The following SLC25A15 variants were observed in gnomAD, a reference collection of about 807,000 sequenced individuals.
SLC25A15 encodes solute carrier family 25 member 15.
In SLC25A15, 24 loss-of-function variants were observed where a neutral mutation model predicts 32.3. The observed-to-expected ratio is 0.74, with a 90% CI of 0.54 to 1.04. The LOEUF is 1.04. Ranked by LOEUF, SLC25A15 falls within the 50% of genes least tolerant of loss-of-function variation. SLC25A15 has a pLI of 0.00. For synonymous variants in SLC25A15, 132 were observed against 142.1 expected, an observed-to-expected ratio of 0.93 and a Z score of 0.51; for missense variants, 317 against 374.5, an observed-to-expected ratio of 0.85 and a Z score of 1.27.
rs1882372169 is a variant in SLC25A15 at position 40,809,817 on chromosome 13, A to G, written c.*150A>G. On this transcript the variant is annotated 3_prime_UTR_variant, in exon 7 of 7. Coordinates refer to ENST00000338625, the MANE Select transcript of SLC25A15 (RefSeq NM_014252.4). Reference sequence around the variant, plus strand: ...CCTTCTACCCTACATCTTAAACTTTATGGAAGAACCTCTATTTTGCATCAT... The same window carrying G: ...CCTTCTACCCTACATCTTAAACTTTGTGGAAGAACCTCTATTTTGCATCAT... 2 of 742,130 alleles carry G rather than the reference A, an allele frequency of 2.7e-6. No individual in the cohort carries two copies. The highest frequency in any genetic ancestry group is 4.6e-6 in the Non-Finnish European group (2 of 435,374). The allele number at this position is 742,130 out of a possible 1,614,324, so 46.0% of individuals were successfully genotyped here.
chr13:40,805,167 C>A lies in SLC25A15; in HGVS notation c.364C>A (p.Leu122Met), dbSNP rs1438281063. Residue 122 changes from leucine to methionine, a missense_variant, in exon 4 of 7, where the codon CTG (leucine) becomes ATG (methionine). Leu to Met is a conservative substitution (Grantham distance 15). Coordinates refer to ENST00000338625, the MANE Select transcript of SLC25A15 (RefSeq NM_014252.4). Reference sequence around the variant, plus strand: ...TTCCTTCGCCTCTGCCTTTGCTGCACTGGTGCTCTGCCCCACGGAGCTCGT... The same window carrying A: ...TTCCTTCGCCTCTGCCTTTGCTGCAATGGTGCTCTGCCCCACGGAGCTCGT... Reference protein sequence around the residue: ...AGSFASAFAALVLCPTELVKC... With the variant: ...AGSFASAFAAMVLCPTELVKC... 1 of 1,614,220 alleles carries A rather than the reference C, an allele frequency of 6.2e-7. No homozygotes were observed. Among genetic ancestry groups the A allele is most frequent in the Non-Finnish European group, 8.5e-7 (1 of 1,180,046 alleles).
intron 3 of SLC25A15, chr13:40,802,243 G>T (rs189326323): frequency 6.6e-6 from 1 of 152,230 alleles, no homozygotes; most frequent in Non-Finnish European, 1.5e-5. Context: ...GGAGTGAAGT[G>T]GGGGAAAGGA....
At chr13:40,790,921 A>G (rs1159148844) in intron 1 of SLC25A15, among the ~76,000 whole-genome samples, 2 of 152,100 alleles carry the variant, frequency 1.3e-5, no homozygotes, top group African/African-American at 2.4e-5. Context: ...AGTTTGGCTC[A>G]CCTAACAGGG....
In SLC25A15 at chr13:40,791,010, G is replaced by T. The variant is rs151170546; in HGVS notation, c.-70+1347G>T. ...TAAGAAGGAAGTGTCTGTGCCAAAA[G>T]AAATAAGCGCATTGAGGTTTATCTA... On this transcript the variant is annotated intron_variant, in intron 1 of 6. Transcript: ENST00000338625. Among the ~76,000 whole-genome samples the T allele has an allele frequency of 2.0e-3, 305 of 152,094 alleles. 1 individual carries two copies. The highest frequency in any genetic ancestry group is 7.1e-3 in the African/African-American group (295 of 41,458).
chr13:40,795,049 C>T (rs764369006), intron 2 of SLC25A15, among the ~76,000 whole-genome samples: 18 of 152,244 alleles, frequency 1.2e-4, no homozygotes, highest in East Asian at 3.9e-4. Flanking sequence ...GCCCAGGGAA[C>T]GGAAGGCCAG....
Position 40,799,057 on chromosome 13 carries a change from GAGGTAC to G in SLC25A15, c.59_64del (p.Gly20_Thr21del), listed in dbSNP as rs767135599. 1 of 1,614,188 alleles carries G rather than the reference GAGGTAC, an allele frequency of 6.2e-7. No individual in the cohort carries two copies. Among genetic ancestry groups the G allele is most frequent in the African/African-American group, 1.3e-5 (1 of 75,042 alleles). ...GAGCAGTCATCTGTCCTGATTGCAG[GAGGTAC>G]AGCATGTGTACTGACCGGGCAGCCC... is the stretch of plus-strand genomic sequence containing the variant. On this transcript the variant is annotated inframe_deletion and splice_region_variant, in exon 3 of 7. Transcript: ENST00000338625.
At position 40,810,147 on chromosome 13, in the gene SLC25A15, T is replaced by C. The variant is rs1415094674; in HGVS notation, c.*480T>C. On this transcript the variant is annotated 3_prime_UTR_variant, in exon 7 of 7. Transcript: ENST00000338625. ...AGGGTCTGCTTAATGTGTGTACTTT[T>C]CTAAGTGGTTGATTATTTTTTATTT... 1.1e-5 allele frequency: 2 copies of C among 186,972 alleles called. No homozygotes were observed. Among genetic ancestry groups the C allele is most frequent in the Admixed American group, 1.1e-4 (2 of 18,638 alleles). The allele number at this position is 186,972 out of a possible 1,614,324, so 11.6% of individuals were successfully genotyped here. A position where few individuals can be genotyped will look rare whatever the true frequency, so the allele number is the denominator to read the frequency against.
chr13:40,799,145 C>A lies in SLC25A15; in HGVS notation c.144C>A (p.Thr48=), dbSNP rs376634191. The change falls in exon 3 of 7, where the codon ACC becomes ACA. Residue 48 remains threonine, a synonymous_variant. Coordinates refer to ENST00000338625, the MANE Select transcript of SLC25A15 (RefSeq NM_014252.4). ...TCCCTGACCTGTACCGGGGCCTCAC[C>A]GACTGCTGCCTGAAGACTTACTCCC... ...QTFPDLYRGL[T]DCCLKTYSQV... 6.2e-7 allele frequency: 1 copy of A among 1,614,062 alleles called. No homozygotes were observed. Among genetic ancestry groups the A allele is most frequent in the Non-Finnish European group, 8.5e-7 (1 of 1,180,030 alleles).
chr13:40,805,291 T>A (rs772360054), intron 4 of SLC25A15, 36 bp downstream of exon 4: 1 of 1,613,100 alleles, frequency 6.2e-7, no homozygotes, highest in East Asian at 2.2e-5. Flanking sequence ...CAGGTCTCTA[T>A]TGCCCTAGTG....
Position 40,799,142 on chromosome 13 carries a change from C to T in SLC25A15, c.141C>T (p.Leu47=), listed in dbSNP as rs1372290632. 2 of 1,614,206 alleles carry T rather than the reference C, an allele frequency of 1.2e-6. No homozygotes were observed. Among genetic ancestry groups the T allele is most frequent in the African/African-American group, 1.3e-5 (1 of 75,038 alleles). Residue 47 remains leucine (L), a synonymous_variant, in exon 3 of 7, where the codon CTC becomes CTT. Coordinates refer to ENST00000338625, the MANE Select transcript of SLC25A15 (RefSeq NM_014252.4). ...MQTFPDLYRG[L]TDCCLKTYSQ... ...CGTTCCCTGACCTGTACCGGGGCCT[C>T]ACCGACTGCTGCCTGAAGACTTACT...
intron 3 of SLC25A15, among the ~76,000 whole-genome samples, chr13:40,804,201 T>A (rs550776957): frequency 2.6e-5 from 4 of 152,214 alleles, no homozygotes; most frequent in African/African-American, 7.2e-5. Context: ...GTGAGCGAGC[T>A]CTCTGGCCTC....
At chr13:40,808,316 T>G (rs1882280543) in intron 5 of SLC25A15, 122 bp from the exon 6 acceptor site, 2 of 869,212 alleles carry the variant, frequency 2.3e-6, no homozygotes, top group Non-Finnish European at 3.8e-6. Context: ...CAAAGAATTG[T>G]ATTCTGTAGC....
rs187857631 is a variant in SLC25A15 at position 40,804,421 on chromosome 13, C to T, written c.315-697C>T. On this transcript the variant is annotated intron_variant, in intron 3 of 6. Transcript: ENST00000338625. ...GCACTGCCACTTAGTAGCTGTGTGACTGGCCACATTATGTCATCTCTAAGT... is the reference window on the plus strand; with the variant it reads ...GCACTGCCACTTAGTAGCTGTGTGATTGGCCACATTATGTCATCTCTAAGT... 2.3e-4 allele frequency among the ~76,000 whole-genome samples: 35 copies of T among 152,304 alleles called. No homozygotes were observed. The East Asian group carries it at 6.4e-3, about 28-fold the overall frequency.
rs907857924 is a variant in SLC25A15, at chr13:40,811,579, T to A, written c.*1912T>A. 6.6e-6 allele frequency among the ~76,000 whole-genome samples: 1 copy of A among 152,056 alleles called. No individual in the cohort carries two copies. Among genetic ancestry groups the A allele is most frequent in the African/African-American group, 2.4e-5 (1 of 41,414 alleles). ...AAATTCACTGACCAACCAACCAAAC[T>A]CCACACTTCATCTGATCCCCCATAG... On this transcript the variant is annotated 3_prime_UTR_variant, in exon 7 of 7. Coordinates refer to ENST00000338625, the MANE Select transcript of SLC25A15 (RefSeq NM_014252.4).
intron 3 of SLC25A15, among the ~76,000 whole-genome samples, chr13:40,803,636 A>G (rs1881990785): frequency 6.6e-6 from 1 of 152,244 alleles, no homozygotes; most frequent in African/African-American, 2.4e-5. Flanking sequence ...TTTCCAGTTT[A>G]GCAATTTCAC....
intron 1 of SLC25A15, among the ~76,000 whole-genome samples, chr13:40,790,193 G>T (rs776212018): frequency 4.6e-5 from 7 of 152,212 alleles, no homozygotes; most frequent in African/African-American, 7.2e-5. Context: ...GGCTCCTTTA[G>T]CCAGAAGCTG....
At chr13:40,803,714 CTG>C (rs1881996803) in intron 3 of SLC25A15, among the ~76,000 whole-genome samples, 1 of 152,230 alleles carries the variant, frequency 6.6e-6, no homozygotes, top group East Asian at 1.9e-4. Flanking sequence ...TTACCCTCGT[CTG>C]TGTTGCTGAG....
At chr13:40,806,157 A>C (rs1385648562) in intron 4 of SLC25A15, among the ~76,000 whole-genome samples, 2 of 152,216 alleles carry the variant, frequency 1.3e-5, no homozygotes, top group East Asian at 3.9e-4. Flanking sequence ...CAAGAGTGTA[A>C]GTCTTTAAAA....
intron 4 of SLC25A15, among the ~76,000 whole-genome samples, chr13:40,805,792 A>G (rs954825705): frequency 1.3e-5 from 2 of 152,178 alleles, no homozygotes; most frequent in Non-Finnish European, 2.9e-5. Context: ...AAGCATAGCT[A>G]CTCTTCAGTG....
Sources: gnomAD v4.1 joint callset for allele counts (sites outside exome capture counted in the v4.1 genomes callset) on GRCh38, gnomAD v4.1.1 for gene constraint, MANE v1.5 for transcripts, NCBI Gene and HGNC (gene_info 2026-07-23, HGNC 2026-07-21) for gene names.